Variants in PRLR observed in about 807,000 individuals in gnomAD.
PRLR encodes the protein prolactin receptor.
In PRLR, 13 loss-of-function variants were observed where a neutral mutation model predicts 40.2. That is an observed-to-expected ratio of 0.32 (90% confidence interval 0.21 to 0.51). The LOEUF (loss-of-function observed/expected upper bound fraction) is 0.51, where lower values mean the gene tolerates loss of function less well. PRLR is among the 20% of genes least tolerant of loss of function. The pLI is 0.97. For synonymous variants in PRLR, 269 were observed against 278.7 expected, an observed-to-expected ratio of 0.97 and a Z score of 0.35; for missense variants, 656 against 747.3, an observed-to-expected ratio of 0.88 and a Z score of 1.42.
In PRLR at chr5:35,229,888, T is replaced by G. The variant is rs374131996; in HGVS notation, c.-106+380A>C. Among the ~76,000 whole-genome samples, 59 of 152,232 alleles carry G rather than the reference T, an allele frequency of 3.9e-4. 3 individuals carry two copies. The highest frequency in any genetic ancestry group is 1.3e-3 in the African/African-American group (54 of 41,538). ...TTCTTTTTATTTTGACGCAAATAATTTGCATTCTGAGAATCCCACAATCAA... is the reference window on the plus strand; with the variant it reads ...TTCTTTTTATTTTGACGCAAATAATGTGCATTCTGAGAATCCCACAATCAA... On this transcript the variant is annotated intron_variant, in intron 1 of 9. Transcript: ENST00000618457.
At chr5:35,053,376 G>A (rs1768571568), downstream of PRLR, among the ~76,000 whole-genome samples, 1 of 152,220 alleles carries the variant, frequency 6.6e-6, no homozygotes. Context: ...AGTGGGACTG[G>A]GCATGGTGGC....
intron 2 of PRLR, among the ~76,000 whole-genome samples, chr5:35,105,991 C>G (rs552856127): frequency 6.6e-6 from 1 of 152,300 alleles, no homozygotes; most frequent in South Asian, 2.1e-4. Context: ...GTTGGGTTAC[C>G]CACAAAGGGA....
rs1248968220 is a variant in PRLR, at chr5:35,063,474, T to G, written c.*1615A>C. ...ATGGATGCGCCCTTTAAAATGAGGA[T>G]CCAAGCTTTGACTTCTTTCAGGAAG... On this transcript the variant is annotated 3_prime_UTR_variant, in exon 10 of 10. Coordinates refer to ENST00000618457, the MANE Select transcript of PRLR (RefSeq NM_000949.7). The G allele has an allele frequency of 6.6e-6, 1 of 152,102 alleles. No homozygotes were observed. Among genetic ancestry groups the G allele is most frequent in the Non-Finnish European group, 1.5e-5 (1 of 68,040 alleles). 9.4% of individuals were successfully genotyped at this position (152,102 alleles called of 1,614,324 possible).
chr5:35,075,761 G>A (rs1332473950), intron 5 of PRLR, among the ~76,000 whole-genome samples: 4 of 152,208 alleles, frequency 2.6e-5, no homozygotes, highest in Admixed American at 6.5e-5. Flanking sequence ...CCTGACCCCC[G>A]AGTAGCCTAA....
At chr5:35,184,807 A>C (rs1775382297) in intron 1 of PRLR, among the ~76,000 whole-genome samples, 1 of 152,254 alleles carries the variant, frequency 6.6e-6, no homozygotes, top group African/African-American at 2.4e-5. Context: ...TTCAAATAAC[A>C]CAAGTATCCA....
chr5:35,109,257 A>G (rs1278295375), intron 2 of PRLR, among the ~76,000 whole-genome samples: 1 of 152,246 alleles, frequency 6.6e-6, no homozygotes, highest in Non-Finnish European at 1.5e-5. Flanking sequence ...CTAAAACCAT[A>G]AAAACCCTAG....
intron 1 of PRLR, among the ~76,000 whole-genome samples, chr5:35,156,718 G>T (rs918649222): frequency 6.6e-6 from 1 of 152,122 alleles, no homozygotes; most frequent in African/African-American, 2.4e-5. Context: ...TGTGCTCAAA[G>T]TTATCATGTC....
chr5:35,146,419 T>C (rs1006906115), intron 1 of PRLR, among the ~76,000 whole-genome samples: 1 of 152,176 alleles, frequency 6.6e-6, no homozygotes, highest in South Asian at 2.1e-4. Context: ...GGAGATTAAG[T>C]TCCTCTCGTA....
rs946748594 is a variant in PRLR at position 35,168,046 on chromosome 5, G to C, written c.-105-49924C>G. 2.6e-5 allele frequency among the ~76,000 whole-genome samples: 4 copies of C among 151,928 alleles called. No homozygotes were observed. The East Asian group carries it at 7.7e-4, about 29-fold the overall frequency. On this transcript the variant is annotated intron_variant, in intron 1 of 9. Transcript: ENST00000618457. ...AAAAAGACCATCATAACACTAACCT[G>C]AAGAAAGTTGGTAGAGTTATACATA...
intron 1 of PRLR, among the ~76,000 whole-genome samples, chr5:35,150,447 G>T (rs1774308674): frequency 6.6e-6 from 1 of 152,190 alleles, no homozygotes; most frequent in Admixed American, 6.5e-5. Flanking sequence ...TTGCAGCCTT[G>T]ATATCTAAAT....
At chr5:35,076,866 C>A (rs536495674) in intron 5 of PRLR, among the ~76,000 whole-genome samples, 5 of 152,150 alleles carry the variant, frequency 3.3e-5, no homozygotes, top group Non-Finnish European at 7.3e-5. Flanking sequence ...ACTCTAAAAC[C>A]CAGAAGAGAG....
intron 1 of PRLR, among the ~76,000 whole-genome samples, chr5:35,161,792 G>C (rs536672224): frequency 1.3e-5 from 2 of 152,356 alleles, no homozygotes; most frequent in East Asian, 1.9e-4. Context: ...GATCTGGCTA[G>C]AGCCAGTATG....
At chr5:35,194,186 G>C (rs1385124940) in intron 1 of PRLR, among the ~76,000 whole-genome samples, 1 of 152,190 alleles carries the variant, frequency 6.6e-6, no homozygotes, top group Non-Finnish European at 1.5e-5. Flanking sequence ...TTTTAGAAGA[G>C]ACTTTGAAGG....
chr5:35,081,488 A>G, intron 5 of PRLR: 1 of 177,808 alleles, frequency 5.6e-6, no homozygotes, highest in South Asian at 1.3e-4. Context: ...TGAAGCAGGC[A>G]TCGGAGGGCC....
At chr5:35,068,088 A>G in intron 9 of PRLR, 128 bp downstream of exon 9, 1 of 804,722 alleles carries the variant, frequency 1.2e-6, no homozygotes, top group Admixed American at 1.9e-5. Flanking sequence ...CATGCTGACC[A>G]GGAGAGACAG....
chr5:35,068,395 T>A, intron 8 of PRLR, 110 bp from the exon 9 acceptor site: 1 of 902,640 alleles, frequency 1.1e-6, no homozygotes. Context: ...AGGACTTGGT[T>A]TGGCAGCTCC....
intron 5 of PRLR, among the ~76,000 whole-genome samples, chr5:35,082,938 A>G (rs151164414): frequency 9.1e-4 from 138 of 152,198 alleles, no homozygotes; most frequent in African/African-American, 3.1e-3. Context: ...TCTCTTTTTA[A>G]ACATATTACT....
intron 5 of PRLR, among the ~76,000 whole-genome samples, chr5:35,083,179 C>T (rs1770625444): frequency 6.6e-6 from 1 of 152,050 alleles, no homozygotes; most frequent in South Asian, 2.1e-4. Flanking sequence ...ATAAAGAAGA[C>T]TGTGAATGGC....
chr5:35,153,748 C>T (rs1005796059), intron 1 of PRLR, among the ~76,000 whole-genome samples: 10 of 142,366 alleles, frequency 7.0e-5, no homozygotes, highest in Non-Finnish European at 3.1e-5. Flanking sequence ...ACTGCACACA[C>T]TACACACACT....
Sources: gnomAD v4.1 joint callset for allele counts (sites outside exome capture counted in the v4.1 genomes callset) on GRCh38, gnomAD v4.1.1 for gene constraint, MANE v1.5 for transcripts, NCBI Gene and HGNC (gene_info 2026-07-23, HGNC 2026-07-21) for gene names.